SARDH: variants seen among roughly 807,000 people sequenced by gnomAD.
SARDH encodes the protein sarcosine dehydrogenase, mitochondrial.
In SARDH, 95 loss-of-function variants were observed where a neutral mutation model predicts 109.1. That is an observed-to-expected ratio of 0.87 (90% CI 0.74 to 1.03). The LOEUF is 1.03. Among genes scored for constraint, SARDH ranks in the 50% least tolerant of loss-of-function variants. The pLI, the probability that SARDH is intolerant of heterozygous loss-of-function variation, is 0.00. For missense variants in SARDH, 1,267 were observed against 1,287.8 expected, an observed-to-expected ratio of 0.98 and a Z score of 0.25; for synonymous variants, 572 against 534.8, an observed-to-expected ratio of 1.07 and a Z score of -0.96.
chr9:133,727,764 T>C (rs1832541742), intron 6 of SARDH, among the ~76,000 whole-genome samples: 1 of 152,098 alleles, frequency 6.6e-6, no homozygotes, highest in South Asian at 2.1e-4. Flanking sequence ...GCTTTGTAAG[T>C]AACACCCCCT....
In SARDH at chr9:133,690,326, A is replaced by G. The variant is rs928382767; in HGVS notation, c.2069+54T>C. On this transcript the variant is annotated intron_variant, in intron 16 of 20. Coordinates refer to ENST00000439388, the MANE Select transcript of SARDH (RefSeq NM_001134707.2). ...GTTCTGCCCAAGGGCCTGTTGGAGG[A>G]CCTGGGTCCAGGCAGCAGGTGCACC... 55 of 1,580,830 alleles carry G rather than the reference A, an allele frequency of 3.5e-5. No homozygotes were observed. The African/African-American group carries it at 6.0e-4, about 17-fold the overall frequency.
intron 13 of SARDH, among the ~76,000 whole-genome samples, chr9:133,699,161 A>G (rs1306403577): frequency 6.6e-6 from 1 of 152,206 alleles, no homozygotes; most frequent in Non-Finnish European, 1.5e-5. Flanking sequence ...AGCCTGACCA[A>G]CATGGAGAAA....
chr9:133,670,477 T>G (rs1830302239), intron 19 of SARDH, 107 bp downstream of exon 19: 4 of 1,217,038 alleles, frequency 3.3e-6, no homozygotes, highest in Non-Finnish European at 4.6e-6. Flanking sequence ...GGCTGGCACA[T>G]GGGAAGTGTT....
chr9:133,710,533 C>A (rs1193496626), intron 10 of SARDH, among the ~76,000 whole-genome samples: 1 of 152,240 alleles, frequency 6.6e-6, no homozygotes, highest in African/African-American at 2.4e-5. Flanking sequence ...ACGACCCACG[C>A]GTGTTCTGGC....
chr9:133,711,872 G>A (rs1206469969), intron 10 of SARDH, among the ~76,000 whole-genome samples: 1 of 152,180 alleles, frequency 6.6e-6, no homozygotes, highest in African/African-American at 2.4e-5. Context: ...GCCCTGCTGT[G>A]TGGGTCGGAG....
intron 13 of SARDH, among the ~76,000 whole-genome samples, chr9:133,699,387 T>A (rs1270443623): frequency 1.3e-5 from 2 of 152,082 alleles, no homozygotes; most frequent in Admixed American, 1.3e-4. Flanking sequence ...GCACCTGTAA[T>A]CCCAGCTACT....
chr9:133,696,459 T>C, intron 13 of SARDH, 98 bp from the exon 14 acceptor site: 1 of 1,470,424 alleles, frequency 6.8e-7, no homozygotes, highest in Non-Finnish European at 9.4e-7. Flanking sequence ...AACACACCTG[T>C]ACTGAGCCTC....
chr9:133,666,011 A>T lies in SARDH; in HGVS notation c.2631+724T>A, dbSNP rs556812981. On this transcript the variant is annotated intron_variant, in intron 20 of 20. Transcript: ENST00000439388. This position sits in a 1 kb window ranked among gnomAD's most constrained non-coding sequence, Gnocchi z 5.2. ...ATGGGAAAAGGAGGTGGAGGTAGAG[A>T]CCACCCCTTCCCCTTCTGGGGAGGC... Among the ~76,000 whole-genome samples, 5 of 152,196 alleles carry T rather than the reference A, an allele frequency of 3.3e-5. No individual in the cohort carries two copies. The highest frequency in any genetic ancestry group is 2.6e-4 in the Admixed American group (4 of 15,292).
At chr9:133,724,007 G>A (rs1425841166) in intron 6 of SARDH, among the ~76,000 whole-genome samples, 1 of 152,136 alleles carries the variant, frequency 6.6e-6, no homozygotes, top group African/African-American at 2.4e-5. Flanking sequence ...GAAAATATTA[G>A]AAGTAAATCT....
intron 13 of SARDH, among the ~76,000 whole-genome samples, chr9:133,699,732 G>A (rs1040252510): frequency 1.2e-4 from 18 of 152,260 alleles, no homozygotes; most frequent in South Asian, 6.2e-4. Context: ...ATAAGTGTTG[G>A]CGAGGATGTG....
intron 4 of SARDH, among the ~76,000 whole-genome samples, chr9:133,730,668 T>G (rs1832649604): frequency 6.6e-6 from 1 of 152,110 alleles, no homozygotes. Flanking sequence ...TCTTTTTTGC[T>G]TATTTGTCTT....
At chr9:133,732,065 C>G (rs2131508723) in intron 3 of SARDH, among the ~76,000 whole-genome samples, 1 of 152,290 alleles carries the variant, frequency 6.6e-6, no homozygotes, top group Non-Finnish European at 1.5e-5. Flanking sequence ...TGAAGCCTGG[C>G]AAAGTCGCTT....
chr9:133,673,509 C>G (rs189311440), intron 17 of SARDH, among the ~76,000 whole-genome samples: 130 of 152,390 alleles, frequency 8.5e-4, no homozygotes, highest in Admixed American at 2.2e-3. Context: ...CTCCCAACCA[C>G]AGGGGCAGCT....
chr9:133,708,515 C>G, intron 10 of SARDH, 87 bp from the exon 11 acceptor site: 1 of 1,468,998 alleles, frequency 6.8e-7, no homozygotes, highest in Non-Finnish European at 9.1e-7. Context: ...GCCTGGACCC[C>G]GGTCCCCTGC....
Position 133,705,118 on chromosome 9 carries a change from C to G in SARDH, c.1471-87G>C, listed in dbSNP as rs76004505. On this transcript the variant is annotated intron_variant, in intron 11 of 20. Transcript: ENST00000439388. Reference sequence around the variant, plus strand: ...AGAGCCACATCCGCCACTTTACACCCAAGGGTGCGGAGAGCAAGGAGGCCC... The same window carrying G: ...AGAGCCACATCCGCCACTTTACACCGAAGGGTGCGGAGAGCAAGGAGGCCC... The G allele has an allele frequency of 6.2e-4, 847 of 1,358,030 alleles. 4 individuals are homozygous for G. The African/African-American group carries it at 0.01, about 16-fold the overall frequency. 84.1% of individuals were successfully genotyped at this position (1,358,030 alleles called of 1,614,324 possible).
chr9:133,726,224 C>T (rs1375250336), intron 6 of SARDH, among the ~76,000 whole-genome samples: 1 of 151,560 alleles, frequency 6.6e-6, no homozygotes, highest in Admixed American at 6.6e-5. Flanking sequence ...AAAAATTAGC[C>T]AGGAGTGGTG....
Position 133,690,482 on chromosome 9 carries a change from T to C in SARDH, c.1967A>G (p.Asn656Ser), listed in dbSNP as rs374823727. ...LAMGGAVAQH[N>S]WSHITTVLQD... Reference sequence around the variant, plus strand: ...CAGCACGGTGGTGATGTGGGACCAGTTGTGCTGGGCCACGGCCCCGCCCAT... The same window carrying C: ...CAGCACGGTGGTGATGTGGGACCAGCTGTGCTGGGCCACGGCCCCGCCCAT... The change falls in exon 16 of 21, where the codon AAC (asparagine) becomes AGC (serine). Residue 656 changes from asparagine (N) to serine (S), a missense_variant. Physicochemically the swap from Asn to Ser is conservative, Grantham distance 46. Transcript: ENST00000439388. 12 of 1,611,262 alleles carry C rather than the reference T, an allele frequency of 7.4e-6. No individual in the cohort carries two copies. In the South Asian group the frequency reaches 9.9e-5, roughly 13 times the overall value.
chr9:133,739,051 C>A (rs1046452688), upstream of SARDH, among the ~76,000 whole-genome samples: 4 of 152,136 alleles, frequency 2.6e-5, no homozygotes, highest in East Asian at 7.7e-4. Flanking sequence ...GGAGGCAGAC[C>A]GGATGCTGCA....
chr9:133,737,086 T>G (rs1172805682), intron 1 of SARDH, among the ~76,000 whole-genome samples: 1 of 152,146 alleles, frequency 6.6e-6, no homozygotes, highest in African/African-American at 2.4e-5. Flanking sequence ...TCCTGCCCCC[T>G]CTTCTGACCA....
Sources: gnomAD v4.1 joint callset for allele counts (sites outside exome capture counted in the v4.1 genomes callset) on GRCh38, gnomAD v4.1.1 for gene constraint, Gnocchi (gnomAD v3.1) non-coding constraint, MANE v1.5 for transcripts, NCBI Gene and HGNC (gene_info 2026-07-23, HGNC 2026-07-21) for gene names.